The following NRXN3 variants were observed in gnomAD, a reference collection of about 807,000 sequenced individuals.
NRXN3 encodes the protein neurexin 3, also known as neurexin III.
A neutral mutation model predicts 137.6 loss-of-function variants in NRXN3; 32 were observed. The ratio of observed to expected loss-of-function variants is 0.23; its 90% CI spans 0.18 to 0.31. The LOEUF (loss-of-function observed/expected upper bound fraction) is 0.31. Ranked by LOEUF, NRXN3 falls within the 10% of genes least tolerant of loss-of-function variation. NRXN3 has a pLI of 1.00. For synonymous variants in NRXN3, 798 were observed against 784.5 expected (o/e 1.02, Z -0.29); for missense variants, 1,574 against 2,062.5 (o/e 0.76, Z 4.59).
chr14:78,529,340 G>A (rs2096427549), intron 4 of NRXN3, among the ~76,000 whole-genome samples: 1 of 152,160 alleles, frequency 6.6e-6, no homozygotes, highest in Admixed American at 6.6e-5. Flanking sequence ...ATAAGAGTGG[G>A]AAATTCAAAT....
intron 15 of NRXN3, among the ~76,000 whole-genome samples, chr14:79,018,292 AAAAAGAGAG>A (rs1325613764): frequency 1.0e-3 from 19 of 18,802 alleles, no homozygotes; most frequent in African/African-American, 1.6e-3. Context: ...AAAAAAAAAA[AAAAAGAGAG>A]AGAGCAAGAA....
chr14:79,582,958 T>C (rs1336984017), intron 16 of NRXN3, among the ~76,000 whole-genome samples: 2 of 152,338 alleles, frequency 1.3e-5, no homozygotes, highest in East Asian at 1.9e-4. Flanking sequence ...TAGTCTTAGG[T>C]ATCTTTCCTT....
chr14:78,447,939 T>G (rs1011664841), intron 4 of NRXN3, among the ~76,000 whole-genome samples: 1 of 152,250 alleles, frequency 6.6e-6, no homozygotes, highest in Non-Finnish European at 1.5e-5. Context: ...TCATTGTTAT[T>G]CCCTGACATG....
At chr14:78,700,280 A>G (rs1472467866) in intron 6 of NRXN3, among the ~76,000 whole-genome samples, 1 of 152,204 alleles carries the variant, frequency 6.6e-6, no homozygotes, top group Non-Finnish European at 1.5e-5. Context: ...GCGTTAGAGG[A>G]TAAGAAAAGT....
intron 4 of NRXN3, among the ~76,000 whole-genome samples, chr14:78,565,617 AC>A (rs2096829136): frequency 6.6e-6 from 1 of 152,212 alleles, no homozygotes; most frequent in South Asian, 2.1e-4. Context: ...ATGGCTGTCT[AC>A]CTTATAAGGT....
chr14:78,815,189 TTTC>T (rs1338519971), intron 10 of NRXN3, among the ~76,000 whole-genome samples: 3 of 152,244 alleles, frequency 2.0e-5, no homozygotes, highest in Non-Finnish European at 4.4e-5. Context: ...AGGTTTATTT[TTTC>T]TTCTTAGACA....
At chr14:79,146,072 C>T (rs539598650) in intron 15 of NRXN3, among the ~76,000 whole-genome samples, 2 of 151,996 alleles carry the variant, frequency 1.3e-5, no homozygotes, top group East Asian at 1.9e-4. Context: ...TAATTTATTG[C>T]GCTTTTATTG....
intron 8 of NRXN3, among the ~76,000 whole-genome samples, chr14:78,742,728 C>T (rs1232122605): frequency 6.6e-6 from 1 of 152,108 alleles, no homozygotes; most frequent in East Asian, 1.9e-4. Flanking sequence ...CTATGTAATA[C>T]TATTCTTATT....
chr14:79,652,276 G>A (rs892786865), intron 16 of NRXN3, among the ~76,000 whole-genome samples: 4 of 151,972 alleles, frequency 2.6e-5, no homozygotes, highest in Non-Finnish European at 4.4e-5. Context: ...ATTTACCTTC[G>A]TCATGTTAAT....
chr14:78,695,769 C>A (rs146057244), intron 6 of NRXN3: 16 of 152,118 alleles, frequency 1.1e-4, no homozygotes, highest in African/African-American at 3.6e-4. Context: ...CTCTTGCCAT[C>A]TGTCTTATCA....
intron 15 of NRXN3, among the ~76,000 whole-genome samples, chr14:79,129,967 TA>T (rs2057191076): frequency 6.6e-6 from 1 of 151,352 alleles, no homozygotes; most frequent in African/African-American, 2.4e-5. Context: ...TTTGTTGGTT[TA>T]AAGTCTGTTT....
intron 8 of NRXN3, among the ~76,000 whole-genome samples, chr14:78,715,796 A>C (rs2098429070): frequency 6.6e-6 from 1 of 152,110 alleles, no homozygotes; most frequent in Non-Finnish European, 1.5e-5. Context: ...CAAGATACTG[A>C]TGATGATTAA....
intron 4 of NRXN3, chr14:78,300,712 A>G (rs950704023): frequency 3.4e-6 from 5 of 1,492,184 alleles, no homozygotes. Context: ...CTTTATTTTT[A>G]TCATTATAAC....
intron 10 of NRXN3, among the ~76,000 whole-genome samples, chr14:78,824,707 T>G (rs2098961296): frequency 6.6e-6 from 1 of 152,144 alleles, no homozygotes; most frequent in African/African-American, 2.4e-5. Flanking sequence ...ATCAGAAGGC[T>G]AAATTTAAAT....
At chr14:78,440,445 C>CAAAA in intron 4 of NRXN3, among the ~76,000 whole-genome samples, 1 of 147,384 alleles carries the variant, frequency 6.8e-6, no homozygotes, top group African/African-American at 2.5e-5. Context: ...CCTTGAGATG[C>CAAAA]AAAAAAAAAA....
chr14:79,120,422 G>A (rs1596173715), intron 15 of NRXN3, among the ~76,000 whole-genome samples: 1 of 151,766 alleles, frequency 6.6e-6, no homozygotes, highest in Non-Finnish European at 1.5e-5. Context: ...CATGAGAAGG[G>A]CATAACTTTA....
intron 10 of NRXN3, among the ~76,000 whole-genome samples, chr14:78,863,601 C>T (rs2152538108): frequency 6.6e-6 from 1 of 152,138 alleles, no homozygotes; most frequent in South Asian, 2.1e-4. Context: ...ACAGCCTTCC[C>T]AACAAGTGCC....
chr14:79,740,709 TTTTTATATA>T (rs2098958347), intron 19 of NRXN3, among the ~76,000 whole-genome samples: 1 of 28,742 alleles, frequency 3.5e-5, no homozygotes. Context: ...TGCATTTAGT[TTTTTATATA>T]TATATATATA....
chr14:79,014,928 A>T (rs11624260), intron 15 of NRXN3, among the ~76,000 whole-genome samples: 3 of 152,046 alleles, frequency 2.0e-5, no homozygotes, highest in Non-Finnish European at 4.4e-5. Flanking sequence ...GTCACTGGGG[A>T]CCAGGAATGA....
Sources: allele counts gnomAD v4.1 joint callset (sites outside exome capture counted in the v4.1 genomes callset), GRCh38; gene constraint gnomAD v4.1.1; transcripts MANE v1.5; gene names NCBI Gene and HGNC (gene_info 2026-07-23, HGNC 2026-07-21).